The following PIEZO1 variants were observed in gnomAD, a reference collection of about 807,000 sequenced individuals.
The protein encoded by PIEZO1 is piezo type mechanosensitive ion channel component 1 (Er blood group), also known as piezo-type mechanosensitive ion channel component 1.
A neutral mutation model predicts 297.2 loss-of-function variants in PIEZO1; 296 were observed. The observed-to-expected ratio is 1.00, with a 90% CI of 0.91 to 1.10. The LOEUF (loss-of-function observed/expected upper bound fraction) is 1.10, where lower values mean the gene tolerates loss of function less well. PIEZO1 is among the 50% of genes least tolerant of loss of function. The pLI is 0.00. For synonymous variants in PIEZO1, 2,427 were observed against 1,507.5 expected, an observed-to-expected ratio of 1.61 and a Z score of -14.13; for missense variants, 5,018 against 3,455.5, an observed-to-expected ratio of 1.45 and a Z score of -11.34.
intron 44 of PIEZO1, chr16:88,719,223 T>C (rs776123666): frequency 5.5e-5 from 15 of 272,424 alleles, no homozygotes; most frequent in South Asian, 2.2e-4. Context: ...AGTTGTACTT[T>C]TTACGTGGGG....
chr16:88,770,194 C>A (rs560208908), intron 1 of PIEZO1, among the ~76,000 whole-genome samples: 1 of 152,310 alleles, frequency 6.6e-6, no homozygotes, highest in South Asian at 2.1e-4. Flanking sequence ...ACAGAACCTG[C>A]CAAAGCCAGA....
In PIEZO1 at chr16:88,722,677, G is replaced by C. The variant is rs1314404289; in HGVS notation, c.4681C>G (p.His1561Asp). 6.5e-7 allele frequency: 1 copy of C among 1,537,324 alleles called. No homozygotes were observed. Among genetic ancestry groups the C allele is most frequent in the African/African-American group, 1.4e-5 (1 of 73,024 alleles). ...TACAGCTGATCCAGCACGCCCCTGT[G>C]CACTTCGCCGCCCTGCAGGGCACAG... ...TQELLQGGEV[H>D]RGVLDQLYTS... Residue 1561 changes from histidine (H) to aspartate (D), a missense_variant, in exon 35 of 51, where the codon CAC becomes GAC. Transcript: ENST00000301015.
rs574598125 is a variant in PIEZO1 at position 88,720,537 on chromosome 16, G to A, written c.5802-5C>T. The A allele has an allele frequency of 6.4e-5, 99 of 1,549,528 alleles. No homozygotes were observed. The highest frequency in any genetic ancestry group is 4.6e-4 in the East Asian group (19 of 40,914). ...GGCCGATATGTGCCCTGGGCCCTGCGGAAGGGGGCGCTCAGCCTGGGCCCA... is the reference window on the plus strand; with the variant it reads ...GGCCGATATGTGCCCTGGGCCCTGCAGAAGGGGGCGCTCAGCCTGGGCCCA... On this transcript the variant is annotated splice_polypyrimidine_tract_variant and splice_region_variant and intron_variant, in intron 40 of 50. Transcript: ENST00000301015.
rs1025797058 is a variant in PIEZO1 at position 88,735,065 on chromosome 16, G to C, written c.1670-12C>G. The C allele has an allele frequency of 7.1e-6, 11 of 1,550,094 alleles. No homozygotes were observed. The highest frequency in any genetic ancestry group is 9.6e-6 in the Non-Finnish European group (11 of 1,146,822). On this transcript the variant is annotated splice_polypyrimidine_tract_variant and intron_variant, in intron 13 of 50. Coordinates refer to ENST00000301015, the MANE Select transcript of PIEZO1 (RefSeq NM_001142864.4). ...CGTCCGCGTGGGCTCTGTGGGCCAA[G>C]CCAGGGGCAGGCGATGGCATCAGGG...
intron 30 of PIEZO1, 31 bp downstream of exon 30, chr16:88,724,978 G>A: frequency 7.3e-7 from 1 of 1,372,542 alleles, no homozygotes; most frequent in East Asian, 2.9e-5. Context: ...GGGCCTGAGA[G>A]GGTGGCCACA....
At chr16:88,716,968 C>A (rs1330707688) in intron 45 of PIEZO1, 55 bp downstream of exon 45, 5 of 1,546,994 alleles carry the variant, frequency 3.2e-6, no homozygotes. Flanking sequence ...GGTGCACCAC[C>A]TTGGCCAGAA....
chr16:88,736,322 T>C lies in PIEZO1; in HGVS notation c.1383A>G (p.Gln461=). The part of the protein sequence containing the change: ...CLIWTVRSRH[Q]LAMLCSPCIL... ...TGCAGGGCGAGCACAGCATGGCCAG[T>C]TGGTGGCGGCTGCGCACCGTCCAGA... is the stretch of plus-strand genomic sequence containing the variant. The change falls in exon 12 of 51, where the codon CAA becomes CAG. Residue 461 remains glutamine (Q), a synonymous_variant. Coordinates refer to ENST00000301015, the MANE Select transcript of PIEZO1 (RefSeq NM_001142864.4). The C allele has an allele frequency of 6.5e-7, 1 of 1,550,160 alleles. No homozygotes were observed. Among genetic ancestry groups the C allele is most frequent in the Non-Finnish European group, 8.7e-7 (1 of 1,146,856 alleles).
rs112962992 is a variant in PIEZO1 at position 88,749,239 on chromosome 16, C to CA, written c.160+144dup. On this transcript the variant is annotated intron_variant, in intron 2 of 50. Transcript: ENST00000301015. ...TGGGCGACTGAGCGAGACTCCGTCTCAAAAAAAAAAAAAAATTTTATTTCG... is the reference window on the plus strand; with the variant it reads ...TGGGCGACTGAGCGAGACTCCGTCTCAAAAAAAAAAAAAAAATTTTATTTCG... The CA allele has an allele frequency of 0.16, 67,798 of 432,128 alleles. 69 individuals carry two copies. The highest frequency in any genetic ancestry group is 0.22 in the East Asian group (5,008 of 22,622). 26.8% of individuals were successfully genotyped at this position (432,128 alleles called of 1,614,324 possible).
intron 1 of PIEZO1, among the ~76,000 whole-genome samples, chr16:88,764,177 G>A (rs1453088305): frequency 6.6e-6 from 1 of 152,202 alleles, no homozygotes; most frequent in Non-Finnish European, 1.5e-5. Flanking sequence ...AAGCTGCGGA[G>A]GGTGGGGCGG....
chr16:88,783,917 C>G (rs1908049891), intron 1 of PIEZO1, among the ~76,000 whole-genome samples: 1 of 152,238 alleles, frequency 6.6e-6, no homozygotes, highest in African/African-American at 2.4e-5. Flanking sequence ...CTTTTACAAT[C>G]AAAAGGCCCC....
In PIEZO1 at chr16:88,733,705, C is replaced by G; in HGVS notation, c.2370G>C (p.Glu790Asp). Reference protein sequence around the residue: ...KWGLVAERLLELAAGFSDVLS... With the variant: ...KWGLVAERLLDLAAGFSDVLS... Reference sequence around the variant, plus strand: ...GGACGTCCGAGAAGCCGGCTGCCAGCTCCAGCAGCCGCTCAGCCACCAGGC... The same window carrying G: ...GGACGTCCGAGAAGCCGGCTGCCAGGTCCAGCAGCCGCTCAGCCACCAGGC... Residue 790 changes from glutamate to aspartate, a missense_variant, in exon 18 of 51, where the codon GAG becomes GAC. Coordinates refer to ENST00000301015, the MANE Select transcript of PIEZO1 (RefSeq NM_001142864.4). 1 of 1,548,698 alleles carries G rather than the reference C, an allele frequency of 6.5e-7. No individual in the cohort carries two copies. The highest frequency in any genetic ancestry group is 8.7e-7 in the Non-Finnish European group (1 of 1,146,010).
chr16:88,781,029 T>C (rs8043839), intron 1 of PIEZO1, among the ~76,000 whole-genome samples: 80,308 of 152,174 alleles, frequency 0.53, 21,230 homozygotes, highest in South Asian at 0.6. Flanking sequence ...TTTTGTTGAA[T>C]TGAAAAGGGG....
chr16:88,746,365 T>G (rs1267258158), intron 2 of PIEZO1, among the ~76,000 whole-genome samples: 4 of 152,094 alleles, frequency 2.6e-5, no homozygotes, highest in Non-Finnish European at 2.9e-5. Context: ...ATGGGGCTTC[T>G]GAGTCCCTAA....
At chr16:88,768,474 G>C (rs961384839) in intron 1 of PIEZO1, among the ~76,000 whole-genome samples, 3 of 152,180 alleles carry the variant, frequency 2.0e-5, no homozygotes, top group African/African-American at 7.2e-5. Flanking sequence ...TGAGAAAGAC[G>C]GACACACTGC....
intron 1 of PIEZO1, among the ~76,000 whole-genome samples, chr16:88,779,777 G>A (rs1013464272): frequency 6.6e-6 from 1 of 152,198 alleles, no homozygotes; most frequent in Non-Finnish European, 1.5e-5. Context: ...GGCGGTGAGT[G>A]GCCCCTTCCC....
Position 88,723,964 on chromosome 16 carries a change from G to T in PIEZO1, c.4242C>A (p.His1414Gln). 1 of 1,539,126 alleles carries T rather than the reference G, an allele frequency of 6.5e-7. No homozygotes were observed. ...RPWLDHATVI[H>Q]SGDYFLFESD... ...ACTCAAACAGGAAGTAGTCCCCGGA[G>T]TGGATGACTGTGGGCAGGCAGCACT... The change falls in exon 31 of 51, where the codon CAC becomes CAA. Residue 1414 changes from histidine (H) to glutamine (Q), a missense_variant. By Grantham distance (24) the His-to-Gln change is conservative. Transcript: ENST00000301015.
At chr16:88,725,298 C>T (rs1597448462) in intron 29 of PIEZO1, 118 bp downstream of exon 29, 1 of 728,086 alleles carries the variant, frequency 1.4e-6, no homozygotes. Flanking sequence ...ATCATGCGGA[C>T]AGGACAGGCG....
At chr16:88,760,119 A>G (rs1906861936) in intron 1 of PIEZO1, among the ~76,000 whole-genome samples, 1 of 121,846 alleles carries the variant, frequency 8.2e-6, no homozygotes, top group African/African-American at 3.6e-5. Context: ...TCCAGCGCCC[A>G]CCACCCCACA....
rs930660476 is a variant in PIEZO1, at chr16:88,727,119, C to T, written c.3375G>A (p.Gln1125=). ...VFSAERTEEW[Q]RMAGVNTDRL... Reference sequence around the variant, plus strand: ...GGTCGGTGTTGACGCCAGCCATGCGCTGCCACTCCTCTGTGCGCTCAGCTG... The same window carrying T: ...GGTCGGTGTTGACGCCAGCCATGCGTTGCCACTCCTCTGTGCGCTCAGCTG... The change falls in exon 24 of 51, where the codon CAG becomes CAA. Residue 1125 remains glutamine (Q), a synonymous_variant. Coordinates refer to ENST00000301015, the MANE Select transcript of PIEZO1 (RefSeq NM_001142864.4). 5.8e-6 allele frequency: 9 copies of T among 1,549,918 alleles called. No individual in the cohort carries two copies. In the African/African-American group the frequency reaches 8.2e-5, roughly 14 times the overall value.
Sources: allele counts gnomAD v4.1 joint callset (sites outside exome capture counted in the v4.1 genomes callset), GRCh38; gene constraint gnomAD v4.1.1; transcripts MANE v1.5; gene names NCBI Gene and HGNC (gene_info 2026-07-23, HGNC 2026-07-21).